TTC39B: variants seen among roughly 807,000 people sequenced by gnomAD.
The protein encoded by TTC39B is tetratricopeptide repeat domain 39B, also known as tetratricopeptide repeat protein 39B.
In TTC39B, 92 loss-of-function variants were observed where a neutral mutation model predicts 96.6. That is an observed-to-expected ratio of 0.95 (90% confidence interval 0.80 to 1.13). The LOEUF is 1.13. TTC39B is among the 50% of genes most tolerant of loss of function. The probability of loss-of-function intolerance (pLI) is 0.00; values close to 1 mark genes in which losing one functional copy is unlikely to be tolerated. For synonymous variants in TTC39B, 367 were observed against 299.4 expected (o/e 1.23, Z -2.33); for missense variants, 955 against 809.3 (o/e 1.18, Z -2.18).
chr9:15,218,168 CAA>C (rs764511443), intron 3 of TTC39B, among the ~76,000 whole-genome samples: 15 of 58,572 alleles, frequency 2.6e-4, no homozygotes, highest in Admixed American at 3.8e-4. Flanking sequence ...GACTCTGTCT[CAA>C]AAAAAAAAAA....
chr9:15,259,667 A>T (rs1198084489), intron 2 of TTC39B, among the ~76,000 whole-genome samples: 1 of 152,234 alleles, frequency 6.6e-6, no homozygotes, highest in Non-Finnish European at 1.5e-5. Flanking sequence ...AGGATGGTTC[A>T]ACTTGCAATT....
intron 2 of TTC39B, among the ~76,000 whole-genome samples, chr9:15,262,058 T>G (rs1444946406): frequency 6.6e-6 from 1 of 152,154 alleles, no homozygotes; most frequent in Non-Finnish European, 1.5e-5. Context: ...GGTCATAAAG[T>G]TCACAGACTA....
chr9:15,191,059 T>A (rs927893594), intron 10 of TTC39B, 131 bp downstream of exon 10: 2 of 694,656 alleles, frequency 2.9e-6, no homozygotes, highest in Non-Finnish European at 2.5e-6. Flanking sequence ...AATCAAAGGC[T>A]TATTTTCTGT....
At chr9:15,222,021 G>A (rs1048249784) in intron 3 of TTC39B, among the ~76,000 whole-genome samples, 6 of 152,180 alleles carry the variant, frequency 3.9e-5, no homozygotes, top group African/African-American at 7.2e-5. Context: ...AAATGAATTC[G>A]GAAGAAGCAA....
intron 1 of TTC39B, among the ~76,000 whole-genome samples, chr9:15,302,737 G>C (rs186428369): frequency 1.3e-5 from 2 of 151,618 alleles, no homozygotes; most frequent in African/African-American, 2.4e-5. Context: ...CAAGCTACTC[G>C]GGAGGCTGAG....
intron 1 of TTC39B, among the ~76,000 whole-genome samples, chr9:15,287,969 A>AAAAAC (rs1554633425): frequency 9.0e-6 from 1 of 111,090 alleles, no homozygotes; most frequent in Non-Finnish European, 1.8e-5. Flanking sequence ...AAAAAAAAAA[A>AAAAAC]CATAAAAAAA....
intron 2 of TTC39B, among the ~76,000 whole-genome samples, chr9:15,245,933 T>C (rs895415723): frequency 3.3e-5 from 5 of 152,202 alleles, no homozygotes; most frequent in Non-Finnish European, 4.4e-5. Context: ...TTGGGTAGAA[T>C]GGCACTGTTA....
intron 1 of TTC39B, among the ~76,000 whole-genome samples, chr9:15,272,844 G>A (rs3853432): frequency 0.31 from 47,656 of 152,052 alleles, 11,755 homozygotes; most frequent in African/African-American, 0.69. Flanking sequence ...CATTTTGCAC[G>A]TTAAAAAATG....
At chr9:15,247,863 A>C (rs970535153) in intron 2 of TTC39B, among the ~76,000 whole-genome samples, 2 of 151,810 alleles carry the variant, frequency 1.3e-5, no homozygotes, top group African/African-American at 4.8e-5. Context: ...AAAAAAAAAA[A>C]CGAGGGGGCT....
intron 1 of TTC39B, among the ~76,000 whole-genome samples, chr9:15,269,274 A>G (rs1028646468): frequency 1.6e-4 from 24 of 152,190 alleles, no homozygotes; most frequent in African/African-American, 5.8e-4. Flanking sequence ...TTACTTGGTC[A>G]CCCTCTGTCT....
At chr9:15,215,294 G>C (rs1820447767) in intron 3 of TTC39B, among the ~76,000 whole-genome samples, 1 of 151,614 alleles carries the variant, frequency 6.6e-6, no homozygotes, top group Admixed American at 6.6e-5. Context: ...CAGGCTCAAA[G>C]TGCCTGTAAT....
Position 15,211,265 on chromosome 9 carries a change from C to T in TTC39B, c.614+1G>A, listed in dbSNP as rs2131348977. ...CTTAAGTATTTAATGACTCGTCATACTTTTGGCAGGTTTGTAAAGCGTCCT... is the reference window on the plus strand; with the variant it reads ...CTTAAGTATTTAATGACTCGTCATATTTTTGGCAGGTTTGTAAAGCGTCCT... On this transcript the variant is annotated splice_donor_variant, in intron 5 of 19. Coordinates refer to ENST00000512701, the Ensembl canonical transcript of TTC39B. LOFTEE classifies it high-confidence loss of function. 2.0e-6 allele frequency: 3 copies of T among 1,536,636 alleles called. No homozygotes were observed. The highest frequency in any genetic ancestry group is 2.2e-5 in the Admixed American group (1 of 45,630).
At chr9:15,233,571 T>C (rs1481817323) in intron 2 of TTC39B, among the ~76,000 whole-genome samples, 1 of 151,408 alleles carries the variant, frequency 6.6e-6, no homozygotes, top group Non-Finnish European at 1.5e-5. Flanking sequence ...TTGGCCGGGC[T>C]GGTCTCCAGC....
intron 2 of TTC39B, among the ~76,000 whole-genome samples, chr9:15,265,119 G>C (rs544901421): frequency 6.6e-6 from 1 of 152,186 alleles, no homozygotes; most frequent in African/African-American, 2.4e-5. Flanking sequence ...GCTGGTGTGA[G>C]ATAGGAATCT....
At chr9:15,163,709 A>G (rs1384840560) in exon 20 of TTC39B, 1 of 152,258 alleles carries the variant, frequency 6.6e-6, no homozygotes, top group African/African-American at 2.4e-5. Flanking sequence ...GAATTTTGAG[A>G]AAATCTGGCA....
chr9:15,292,666 T>A (rs1212861821), intron 1 of TTC39B, among the ~76,000 whole-genome samples: 1 of 152,308 alleles, frequency 6.6e-6, no homozygotes, highest in East Asian at 1.9e-4. Context: ...TTGGTGATCC[T>A]TACCCTATGT....
At chr9:15,191,740 T>G (rs1489340248) in intron 9 of TTC39B, among the ~76,000 whole-genome samples, 1 of 152,160 alleles carries the variant, frequency 6.6e-6, no homozygotes. Context: ...GTGCACCTGG[T>G]TATGCACTAT....
intron 2 of TTC39B, among the ~76,000 whole-genome samples, chr9:15,263,333 C>A (rs1823011078): frequency 6.6e-6 from 1 of 152,158 alleles, no homozygotes; most frequent in Non-Finnish European, 1.5e-5. Flanking sequence ...TCATTTAATC[C>A]TCTCAATAAA....
intron 1 of TTC39B, among the ~76,000 whole-genome samples, chr9:15,277,266 T>C (rs1035991282): frequency 6.6e-6 from 1 of 152,074 alleles, no homozygotes; most frequent in Non-Finnish European, 1.5e-5. Flanking sequence ...CCGCATCTAC[T>C]AAAAATACAA....
Sources: allele counts gnomAD v4.1 joint callset (sites outside exome capture counted in the v4.1 genomes callset), GRCh38; gene constraint gnomAD v4.1.1; transcripts MANE v1.5; gene names NCBI Gene and HGNC (gene_info 2026-07-23, HGNC 2026-07-21).